Variants in ZFPM2 observed in about 807,000 individuals in gnomAD.
ZFPM2 encodes the protein zinc finger protein ZFPM2.
A neutral mutation model predicts 98.6 loss-of-function variants in ZFPM2; 20 were observed. That is an observed-to-expected ratio of 0.20 (90% confidence interval 0.14 to 0.29). The LOEUF is 0.29. ZFPM2 is among the 10% of genes least tolerant of loss of function. The pLI, the probability that ZFPM2 is intolerant of heterozygous loss-of-function variation, is 1.00. For synonymous variants in ZFPM2, 518 were observed against 502.7 expected (o/e 1.03, Z -0.41); for missense variants, 1,310 against 1,388.6 (o/e 0.94, Z 0.90).
In ZFPM2 at chr8:105,801,703, A is replaced by G; in HGVS notation, c.1621A>G (p.Ser541Gly). 1 of 1,613,852 alleles carries G rather than the reference A, an allele frequency of 6.2e-7. No homozygotes were observed. The highest frequency in any genetic ancestry group is 1.6e-4 in the Middle Eastern group (1 of 6,062). The change falls in exon 8 of 8, where the codon AGC becomes GGC. Residue 541 changes from serine to glycine, a missense_variant. By Grantham distance (56) the Ser-to-Gly change is moderately conservative. Coordinates refer to ENST00000407775, the MANE Select transcript of ZFPM2 (RefSeq NM_012082.4). ...TAGTAGCTACCCTCCCGTCATTTAC[A>G]GCCCTTTGATGCCCAAGGGGGCTAC... is the stretch of plus-strand genomic sequence containing the variant. ...GSSSYPPVIY[S>G]PLMPKGATCF...
intron 5 of ZFPM2, among the ~76,000 whole-genome samples, chr8:105,714,440 T>C (rs947779733): frequency 6.6e-6 from 1 of 152,034 alleles, no homozygotes; most frequent in Non-Finnish European, 1.5e-5. Flanking sequence ...CTCCTATCTT[T>C]TTTGGATCAC....
At chr8:105,630,061 C>T (rs142517451) in intron 4 of ZFPM2, among the ~76,000 whole-genome samples, 73 of 152,258 alleles carry the variant, frequency 4.8e-4, no homozygotes, top group African/African-American at 1.7e-3. Flanking sequence ...TTCCTGCCTA[C>T]CACACCTTTT....
At chr8:105,785,324 A>AAC (rs994080901) in intron 5 of ZFPM2, 3 of 147,030 alleles carry the variant, frequency 2.0e-5, no homozygotes, top group East Asian at 1.9e-4. Flanking sequence ...ACAGACACAC[A>AAC]ACACACACAC....
At chr8:105,391,475 G>A (rs1283990463) in intron 1 of ZFPM2, among the ~76,000 whole-genome samples, 2 of 152,154 alleles carry the variant, frequency 1.3e-5, no homozygotes, top group Non-Finnish European at 2.9e-5. Flanking sequence ...TTCCAGTCAT[G>A]AAAGATTTCT....
chr8:105,605,408 A>G (rs1816176330), intron 4 of ZFPM2, among the ~76,000 whole-genome samples: 1 of 152,126 alleles, frequency 6.6e-6, no homozygotes, highest in South Asian at 2.1e-4. Context: ...ATATCTGAAT[A>G]TAATGATTCC....
chr8:105,571,743 T>C (rs1196316256), intron 4 of ZFPM2, among the ~76,000 whole-genome samples: 9 of 152,214 alleles, frequency 5.9e-5, no homozygotes, highest in South Asian at 2.1e-4. Context: ...TACCAGTTTG[T>C]ACTCCTTCAG....
chr8:105,349,022 A>G (rs1703314043), intron 1 of ZFPM2, among the ~76,000 whole-genome samples: 1 of 152,180 alleles, frequency 6.6e-6, no homozygotes, highest in African/African-American at 2.4e-5. Context: ...CTTCAGTTCC[A>G]AAGAACTGTT....
chr8:105,759,848 G>A (rs145370101), intron 5 of ZFPM2, among the ~76,000 whole-genome samples: 88 of 152,020 alleles, frequency 5.8e-4, no homozygotes, highest in Middle Eastern at 6.8e-3. Context: ...ACCATTGCCA[G>A]GGATAATGAT....
At chr8:105,382,476 C>T (rs1405793690) in intron 1 of ZFPM2, among the ~76,000 whole-genome samples, 1 of 151,590 alleles carries the variant, frequency 6.6e-6, no homozygotes, top group African/African-American at 2.4e-5. Context: ...TTTCTTATTC[C>T]ATGTTAAAAG....
chr8:105,362,092 T>G (rs958939606), intron 1 of ZFPM2, among the ~76,000 whole-genome samples: 1 of 152,142 alleles, frequency 6.6e-6, no homozygotes, highest in African/African-American at 2.4e-5. Context: ...CATACTATTT[T>G]TTTAAATCCT....
chr8:105,380,456 G>A (rs942941511), intron 1 of ZFPM2, among the ~76,000 whole-genome samples: 2 of 148,150 alleles, frequency 1.3e-5, no homozygotes, highest in Non-Finnish European at 3.0e-5. Context: ...TCTCACTCAC[G>A]ATCAACATTA....
intron 3 of ZFPM2, among the ~76,000 whole-genome samples, chr8:105,474,304 TCAATTTTCAATCCAGCTACAACTATCTA>T (rs1295050279): frequency 6.6e-6 from 1 of 152,196 alleles, no homozygotes; most frequent in Admixed American, 6.5e-5. Context: ...ACGTTAGTCT[TCAATTTTCAATCCAGCTACAACTATCTA>T]CAATTTTCAA....
chr8:105,633,204 A>T (rs1010029304), intron 4 of ZFPM2, among the ~76,000 whole-genome samples: 9 of 152,230 alleles, frequency 5.9e-5, no homozygotes, highest in African/African-American at 2.2e-4. Context: ...TTGTGATAGC[A>T]TGCATCATGT....
chr8:105,728,649 C>T (rs1586223972), intron 5 of ZFPM2, among the ~76,000 whole-genome samples: 1 of 151,764 alleles, frequency 6.6e-6, no homozygotes, highest in African/African-American at 2.4e-5. Context: ...CAACAATTTC[C>T]AATCTACATC....
intron 4 of ZFPM2, among the ~76,000 whole-genome samples, chr8:105,579,002 G>C (rs1158285765): frequency 6.6e-6 from 1 of 152,020 alleles, no homozygotes; most frequent in Admixed American, 6.6e-5. Context: ...TAAATCATAA[G>C]TAAACCTTCT....
intron 3 of ZFPM2, among the ~76,000 whole-genome samples, chr8:105,489,062 G>A (rs1162160526): frequency 6.6e-6 from 1 of 152,032 alleles, no homozygotes; most frequent in African/African-American, 2.4e-5. Context: ...CTGAATTGAT[G>A]CATTTGGTTC....
At chr8:105,773,976 G>T (rs1813041466) in intron 5 of ZFPM2, among the ~76,000 whole-genome samples, 1 of 152,146 alleles carries the variant, frequency 6.6e-6, no homozygotes, top group South Asian at 2.1e-4. Context: ...GAAACAAAAT[G>T]TTTCTAGAAA....
chr8:105,582,597 T>TGTTC (rs1386761724), intron 4 of ZFPM2, among the ~76,000 whole-genome samples: 1 of 152,130 alleles, frequency 6.6e-6, no homozygotes, highest in African/African-American at 2.4e-5. Flanking sequence ...AGTGTTTGTT[T>TGTTC]GTTCGTTTGT....
intron 3 of ZFPM2, among the ~76,000 whole-genome samples, chr8:105,470,134 C>T (rs949618913): frequency 1.3e-5 from 2 of 152,116 alleles, no homozygotes; most frequent in African/African-American, 4.8e-5. Context: ...TTTTCTCTTC[C>T]TCTCTACTCT....
Sources: allele counts gnomAD v4.1 joint callset (sites outside exome capture counted in the v4.1 genomes callset), GRCh38; gene constraint gnomAD v4.1.1; transcripts MANE v1.5; gene names NCBI Gene and HGNC (gene_info 2026-07-23, HGNC 2026-07-21).